ADCY3: variants seen among roughly 807,000 people sequenced by gnomAD.
The protein encoded by ADCY3 is adenylate cyclase 3, also known as adenylate cyclase type 3.
Under a neutral mutation model 119.4 loss-of-function variants are expected in ADCY3, and 70 were observed. The ratio of observed to expected loss-of-function variants is 0.59; its 90% CI spans 0.48 to 0.72. The LOEUF is 0.72. ADCY3 is among the 30% of genes least tolerant of loss of function. The pLI, the probability that ADCY3 is intolerant of heterozygous loss-of-function variation, is 0.00. For missense variants in ADCY3, 1,238 were observed against 1,541.6 expected (o/e 0.80, Z 3.30); for synonymous variants, 672 against 621.4 (o/e 1.08, Z -1.21).
chr2:24,888,902 G>A (rs1001492567), intron 2 of ADCY3, among the ~76,000 whole-genome samples: 12 of 152,124 alleles, frequency 7.9e-5, no homozygotes, highest in African/African-American at 2.4e-4. Flanking sequence ...CCAGCTACTC[G>A]GGAGGCTGAG....
rs1671115389 is a variant in ADCY3 at position 24,842,380 on chromosome 2, T to C, written c.830A>G (p.Asn277Ser). ...CTTGGGCAGGATGGAAAGCATGAGGTTCTCCTGTGAGGGGCAGGAGAGGGT... is the reference window on the plus strand; with the variant it reads ...CTTGGGCAGGATGGAAAGCATGAGGCTCTCCTGTGAGGGGCAGGAGAGGGT... ...NLEEQSQQQE[N>S]LMLSILPKHV... Residue 277 changes from asparagine (N) to serine (S), a missense_variant, in exon 4 of 22, where the codon AAC becomes AGC. By Grantham distance (46) the Asn-to-Ser change is conservative. This residue lies in a region of ADCY3 where 283 missense variants were observed against 437.2 expected (regional missense o/e 0.65). Transcript: ENST00000679454. The surrounding 1 kb of genome is among the most constrained non-coding windows in gnomAD (Gnocchi z 4.9). The C allele has an allele frequency of 1.2e-6, 2 of 1,614,008 alleles. No individual in the cohort carries two copies. Among genetic ancestry groups the C allele is most frequent in the East Asian group, 2.2e-5 (1 of 44,894 alleles).
chr2:24,848,210 TGGCCTGCCCAG>T (rs1453233079), intron 3 of ADCY3, among the ~76,000 whole-genome samples: 1 of 152,234 alleles, frequency 6.6e-6, no homozygotes, highest in South Asian at 2.1e-4. Flanking sequence ...AAGGAACACC[TGGCCTGCCCAG>T]GGTGGAAAAC....
At chr2:24,871,861 G>A (rs1675052921) in intron 3 of ADCY3, among the ~76,000 whole-genome samples, 1 of 152,252 alleles carries the variant, frequency 6.6e-6, no homozygotes, top group Non-Finnish European at 1.5e-5. Context: ...AGAACTGGGA[G>A]GATGGTGCGG....
chr2:24,849,040 G>C (rs1044568463), intron 3 of ADCY3, among the ~76,000 whole-genome samples: 3 of 152,226 alleles, frequency 2.0e-5, no homozygotes, highest in African/African-American at 7.2e-5. Flanking sequence ...GGCGTGGTCA[G>C]GTGTGTGGGC....
intron 21 of ADCY3, chr2:24,820,454 G>T: frequency 7.5e-7 from 1 of 1,330,478 alleles, no homozygotes; most frequent in South Asian, 2.1e-5. Flanking sequence ...AGACGCCACT[G>T]AGACAGATCA....
At chr2:24,824,626 T>G in intron 16 of ADCY3, 90 bp from the exon 17 acceptor site, 1 of 1,457,690 alleles carries the variant, frequency 6.9e-7, no homozygotes. Context: ...TGGCGGTTCA[T>G]GCCTGTAATC....
intron 21 of ADCY3, chr2:24,820,446 A>G (rs1667434902): frequency 7.6e-7 from 1 of 1,316,084 alleles, no homozygotes; most frequent in Non-Finnish European, 9.7e-7. Context: ...TTTCTGCCAG[A>G]CGCCACTGAG....
intron 2 of ADCY3, among the ~76,000 whole-genome samples, chr2:24,887,778 T>A (rs1171575184): frequency 6.6e-6 from 1 of 152,194 alleles, no homozygotes; most frequent in South Asian, 2.1e-4. Context: ...TTAAACTCGC[T>A]GCCTCCCCTG....
At chr2:24,873,713 C>T (rs1042451126) in intron 2 of ADCY3, among the ~76,000 whole-genome samples, 1 of 152,212 alleles carries the variant, frequency 6.6e-6, no homozygotes, top group Admixed American at 6.5e-5. Flanking sequence ...GACCACTGGC[C>T]TCAGTAAGCC....
chr2:24,850,123 G>T (rs1361123937), intron 3 of ADCY3, among the ~76,000 whole-genome samples: 2 of 151,776 alleles, frequency 1.3e-5, no homozygotes, highest in Non-Finnish European at 2.9e-5. Context: ...CACCTCACAT[G>T]TCACCTCTCC....
Position 24,834,919 on chromosome 2 carries a change from G to C in ADCY3, c.1680C>G (p.Phe560Leu). ...GGCGCAGCCTCCGGCGTGGGTTGGG[G>C]AATGAGGGGTTGTCGGCCTGTGAGC... ...EQDAQADNPS[F>L]PNPRRRLRLQ... Residue 560 changes from phenylalanine (F) to leucine (L), a missense_variant, in exon 10 of 22, where the codon TTC (phenylalanine) becomes TTG (leucine). Coordinates refer to ENST00000679454, the MANE Select transcript of ADCY3 (RefSeq NM_004036.5). This position sits in a 1 kb window ranked among gnomAD's most constrained non-coding sequence, Gnocchi z 4.2. 1 of 1,613,658 alleles carries C rather than the reference G, an allele frequency of 6.2e-7. No homozygotes were observed. The highest frequency in any genetic ancestry group is 8.5e-7 in the Non-Finnish European group (1 of 1,179,936).
At chr2:24,824,781 C>T (rs1220200282) in intron 16 of ADCY3, among the ~76,000 whole-genome samples, 2 of 152,006 alleles carry the variant, frequency 1.3e-5, no homozygotes, top group South Asian at 2.1e-4. Flanking sequence ...CCCAGCTACT[C>T]GGGAGGCTGA....
In ADCY3 at chr2:24,918,382, C is replaced by T. The variant is rs201676524; in HGVS notation, c.606G>A (p.Thr202=). The T allele has an allele frequency of 8.6e-4, 1,388 of 1,612,690 alleles. 12 individuals carry two copies. In the South Asian group the frequency reaches 0.013, roughly 15 times the overall value. The change falls in exon 2 of 22, where the codon ACG becomes ACA. Residue 202 remains threonine, a synonymous_variant. Transcript: ENST00000679454. The surrounding 1 kb of genome is among the most constrained non-coding windows in gnomAD (Gnocchi z 5.4). ...IISVVSCVVH[T]LVLGVTVAQQ... ...GGGCCACGGTGACCCCCAGGACCAACGTGTGCACCACACAGGAGACCACGG... is the reference window on the plus strand; with the variant it reads ...GGGCCACGGTGACCCCCAGGACCAATGTGTGCACCACACAGGAGACCACGG...
At chr2:24,875,679 G>A (rs992231519) in intron 2 of ADCY3, among the ~76,000 whole-genome samples, 2 of 152,156 alleles carry the variant, frequency 1.3e-5, no homozygotes, top group Non-Finnish European at 2.9e-5. Context: ...TCCCCCTCCC[G>A]GCCTCAGTTT....
intron 3 of ADCY3, among the ~76,000 whole-genome samples, chr2:24,871,542 G>C (rs905512820): frequency 7.2e-5 from 11 of 152,236 alleles, no homozygotes; most frequent in Non-Finnish European, 1.3e-4. Flanking sequence ...GAATGTGAGT[G>C]AGGCCCGACG....
At position 24,834,442 on chromosome 2, in the gene ADCY3, C is replaced by CGCA. The variant is rs769472579; in HGVS notation, c.1967+40_1967+42dup. Reference sequence around the variant, plus strand: ...GCCCCCGCCCCCCGCCCGGCACCACCGCAGCCGAGGAAACTCGTGGCCCTC... The same window carrying CGCA: ...GCCCCCGCCCCCCGCCCGGCACCACCGCAGCAGCCGAGGAAACTCGTGGCCCTC... On this transcript the variant is annotated intron_variant, in intron 11 of 21. Transcript: ENST00000679454. The surrounding 1 kb of genome is among the most constrained non-coding windows in gnomAD (Gnocchi z 4.2). 4 of 1,514,648 alleles carry CGCA rather than the reference C, an allele frequency of 2.6e-6. No homozygotes were observed. In the South Asian group the frequency reaches 4.6e-5, roughly 18 times the overall value. 93.8% of individuals were successfully genotyped at this position (1,514,648 alleles called of 1,614,324 possible).
chr2:24,888,914 CAGG>C (rs963082190), intron 2 of ADCY3, among the ~76,000 whole-genome samples: 8 of 152,170 alleles, frequency 5.3e-5, no homozygotes, highest in Non-Finnish European at 8.8e-5. Flanking sequence ...GAGGCTGAGG[CAGG>C]AGAATTGCTT....
intron 17 of ADCY3, among the ~76,000 whole-genome samples, chr2:24,823,994 CACTACTT>C (rs1297543026): frequency 6.6e-6 from 1 of 152,198 alleles, no homozygotes; most frequent in African/African-American, 2.4e-5. Context: ...TGTGCCCGGC[CACTACTT>C]TGAATAAATT....
rs1672537783 is a variant in ADCY3 at position 24,853,008 on chromosome 2, GTGTGTGT to G, written c.826-10631_826-10625del. Among the ~76,000 whole-genome samples, 859 of 87,572 alleles carry G rather than the reference GTGTGTGT, an allele frequency of 9.8e-3. 25 individuals carry two copies. Among genetic ancestry groups the G allele is most frequent in the African/African-American group, 0.02 (681 of 33,474 alleles). The allele number at this position is 87,572 out of a possible 152,430, so 57.5% of individuals were successfully genotyped here. A position where few individuals can be genotyped will look rare whatever the true frequency, so the allele number is the denominator to read the frequency against. On this transcript the variant is annotated intron_variant, in intron 3 of 21. Transcript: ENST00000679454. Reference sequence around the variant, plus strand: ...TGAAGGAAAGGAACAGCTGGAGGGTGTGTGTGTGTGTGTGTGTGTGTGTGTGTGTGTG... The same window carrying G: ...TGAAGGAAAGGAACAGCTGGAGGGTGGTGTGTGTGTGTGTGTGTGTGTGTG...
Sources: gnomAD v4.1 joint callset for allele counts (sites outside exome capture counted in the v4.1 genomes callset) on GRCh38, gnomAD v4.1.1 for gene constraint, gnomAD v4.1.1 regional missense constraint, Gnocchi (gnomAD v3.1) non-coding constraint, MANE v1.5 for transcripts, NCBI Gene and HGNC (gene_info 2026-07-23, HGNC 2026-07-21) for gene names.